CHEK1: variants seen among roughly 807,000 people sequenced by gnomAD.
CHEK1 encodes the protein checkpoint kinase 1.
In CHEK1, 32 loss-of-function variants were observed where a neutral mutation model predicts 60.2. The ratio of observed to expected loss-of-function variants is 0.53; its 90% CI spans 0.40 to 0.71. CHEK1 has a LOEUF of 0.71. CHEK1 is among the 30% of genes least tolerant of loss of function. CHEK1 has a pLI of 0.00. For synonymous variants in CHEK1, 179 were observed against 187.2 expected, an observed-to-expected ratio of 0.96 and a Z score of 0.36; for missense variants, 399 against 564.6, an observed-to-expected ratio of 0.71 and a Z score of 2.97.
At chr11:125,643,984 C>T (rs1331980706) in intron 9 of CHEK1, 84 bp downstream of exon 9, 8 of 1,522,276 alleles carry the variant, frequency 5.3e-6, no homozygotes, top group East Asian at 4.5e-5. Flanking sequence ...TCATAATAAT[C>T]GACATTAACA....
chr11:125,662,427 A>C (rs535042726), intron 13 of CHEK1, among the ~76,000 whole-genome samples: 2 of 152,332 alleles, frequency 1.3e-5, no homozygotes, highest in South Asian at 4.1e-4. Flanking sequence ...ATTGGGTTTC[A>C]GTATATTAAT....
downstream of CHEK1, among the ~76,000 whole-genome samples, chr11:125,657,863 A>G (rs542499570): frequency 2.6e-5 from 4 of 152,246 alleles, no homozygotes; most frequent in African/African-American, 9.6e-5. Flanking sequence ...ATAGCTGGAT[A>G]TTAGGATAGA....
chr11:125,671,011 A>T (rs982291331), intron 13 of CHEK1, among the ~76,000 whole-genome samples: 1 of 151,868 alleles, frequency 6.6e-6, no homozygotes, highest in Non-Finnish European at 1.5e-5. Flanking sequence ...GGCTCAAGTG[A>T]TTATCCCACC....
At chr11:125,670,265 A>G (rs1189646692) in intron 13 of CHEK1, among the ~76,000 whole-genome samples, 2 of 152,124 alleles carry the variant, frequency 1.3e-5, no homozygotes, top group East Asian at 3.8e-4. Flanking sequence ...ACATTCTTGA[A>G]TGTATCTTTA....
Position 125,625,519 on chromosome 11 carries a change from G to A in CHEK1, c.-514G>A, listed in dbSNP as rs112740384. 23 of 512,680 alleles carry A rather than the reference G, an allele frequency of 4.5e-5. No individual in the cohort carries two copies. Among genetic ancestry groups the A allele is most frequent in the African/African-American group, 3.8e-4 (20 of 52,656 alleles). 31.8% of individuals were successfully genotyped at this position (512,680 alleles called of 1,614,324 possible). On this transcript the variant is annotated 5_prime_UTR_variant, in exon 1 of 13. Transcript: ENST00000438015. ...CACTCTGAGGTTTACAAAGCACTCT[G>A]CTTCACCGACTGTGATCCTCACAGT...
downstream of CHEK1, chr11:125,680,817 A>T: frequency 6.4e-7 from 1 of 1,573,274 alleles, no homozygotes; most frequent in Non-Finnish European, 8.7e-7. Flanking sequence ...AGTGTGGGCC[A>T]CAGCTTCTTC....
chr11:125,676,166 C>T, exon 14 of CHEK1: 2 of 627,882 alleles, frequency 3.2e-6, no homozygotes, highest in Non-Finnish European at 5.2e-6. Context: ...CCTTGGCCTC[C>T]CAAAGTGCTG....
At chr11:125,642,116 C>T in intron 8 of CHEK1, among the ~76,000 whole-genome samples, 1 of 152,174 alleles carries the variant, frequency 6.6e-6, no homozygotes, top group East Asian at 1.9e-4. Context: ...TCTGAAAATG[C>T]TTTTTCCCAT....
chr11:125,637,334 C>T (rs1273783860), intron 7 of CHEK1, 115 bp from the exon 8 acceptor site: 2 of 665,428 alleles, frequency 3.0e-6, no homozygotes, highest in Admixed American at 3.6e-5. Context: ...CTTTCTCTTC[C>T]CCAGGAATAA....
intron 11 of CHEK1, among the ~76,000 whole-genome samples, chr11:125,646,958 T>C (rs370275684): frequency 3.3e-5 from 5 of 152,192 alleles, no homozygotes; most frequent in African/African-American, 1.2e-4. Context: ...ACTCAAGTTT[T>C]AGATTTTGAT....
intron 13 of CHEK1, chr11:125,672,397 A>T (rs760235612): frequency 1.7e-6 from 1 of 588,000 alleles, no homozygotes; most frequent in Non-Finnish European, 2.8e-6. Context: ...GAGTTGGAGC[A>T]GGGAAGACAG....
chr11:125,638,941 TTCC>T (rs950842696), intron 8 of CHEK1, among the ~76,000 whole-genome samples: 10 of 152,200 alleles, frequency 6.6e-5, no homozygotes, highest in Admixed American at 3.3e-4. Context: ...TTTTTCTGAC[TTCC>T]TCCCTTAATA....
At chr11:125,660,623 AT>A (rs570237020), downstream of CHEK1, among the ~76,000 whole-genome samples, 409 of 152,158 alleles carry the variant, frequency 2.7e-3, 1 homozygote, top group African/African-American at 8.9e-3. Flanking sequence ...TAAACCATTT[AT>A]TTATTTAGAA....
intron 8 of CHEK1, 23 bp from the exon 9 acceptor site, chr11:125,643,768 AT>A: frequency 6.3e-7 from 1 of 1,584,170 alleles, no homozygotes; most frequent in Non-Finnish European, 8.6e-7. Context: ...ACTTGAAAGC[AT>A]TTGTATTTGT....
At chr11:125,677,576 T>C (rs1458136405), downstream of CHEK1, among the ~76,000 whole-genome samples, 1 of 152,156 alleles carries the variant, frequency 6.6e-6, no homozygotes, top group Non-Finnish European at 1.5e-5. Context: ...TTGTATTTGT[T>C]TTATTTTTCT....
chr11:125,680,629 G>C (rs963396573), downstream of CHEK1: 83 of 1,054,402 alleles, frequency 7.9e-5, 1 homozygote, highest in Admixed American at 1.4e-3. Flanking sequence ...GACTCAGATT[G>C]GTTTGGGTGA....
chr11:125,672,840 T>A (rs1051302534), intron 13 of CHEK1: 2 of 1,213,590 alleles, frequency 1.6e-6, no homozygotes, highest in Non-Finnish European at 2.2e-6. Context: ...TTATCCCTTC[T>A]CTTTCTCTTC....
At chr11:125,675,193 ACTC>A (rs1232575161) in intron 13 of CHEK1, among the ~76,000 whole-genome samples, 1 of 152,100 alleles carries the variant, frequency 6.6e-6, no homozygotes, top group Non-Finnish European at 1.5e-5. Context: ...AAGATTGAGA[ACTC>A]CTGGCCCAAA....
intron 11 of CHEK1, 89 bp downstream of exon 11, chr11:125,644,732 T>C: frequency 7.0e-7 from 1 of 1,422,146 alleles, no homozygotes; most frequent in Non-Finnish European, 9.5e-7. Flanking sequence ...TTTTTAAATA[T>C]AGGCTGTGGC....
Sources: gnomAD v4.1 joint callset for allele counts (sites outside exome capture counted in the v4.1 genomes callset) on GRCh38, gnomAD v4.1.1 for gene constraint, MANE v1.5 for transcripts, NCBI Gene and HGNC (gene_info 2026-07-23, HGNC 2026-07-21) for gene names.